ATF6: variants seen among roughly 807,000 people sequenced by gnomAD.
The protein encoded by ATF6 is cyclic AMP-dependent transcription factor ATF-6 alpha.
Under a neutral mutation model 83.6 loss-of-function variants are expected in ATF6, and 53 were observed. That is an observed-to-expected ratio of 0.63 (90% CI 0.51 to 0.80). The LOEUF (loss-of-function observed/expected upper bound fraction) is 0.80. Among genes scored for constraint, ATF6 ranks in the 30% least tolerant of loss-of-function variants. The pLI is 0.00. For synonymous variants in ATF6, 288 were observed against 285.8 expected (o/e 1.01, Z -0.08); for missense variants, 744 against 797.9 (o/e 0.93, Z 0.81).
chr1:161,841,078 A>T (rs568535451), intron 9 of ATF6, among the ~76,000 whole-genome samples: 1 of 152,318 alleles, frequency 6.6e-6, no homozygotes, highest in East Asian at 1.9e-4. Context: ...AATTAACAAA[A>T]GGGGACATTT....
At chr1:161,851,964 A>G (rs2101826500) in intron 11 of ATF6, 129 bp downstream of exon 11, 1 of 673,622 alleles carries the variant, frequency 1.5e-6, no homozygotes, top group South Asian at 2.1e-5. Context: ...GGATAACTGT[A>G]GGCATATTAG....
intron 9 of ATF6, among the ~76,000 whole-genome samples, chr1:161,830,849 A>C (rs1686039117): frequency 6.6e-6 from 1 of 152,260 alleles, no homozygotes; most frequent in Admixed American, 6.5e-5. Context: ...AAAACCCTAC[A>C]AGAAAACCTA....
chr1:161,793,547 T>G (rs1293686271), intron 6 of ATF6, among the ~76,000 whole-genome samples: 1 of 152,232 alleles, frequency 6.6e-6, no homozygotes, highest in Non-Finnish European at 1.5e-5. Flanking sequence ...TCCAAAACTT[T>G]CATTAGGATC....
intron 10 of ATF6, among the ~76,000 whole-genome samples, chr1:161,846,913 ATAT>A (rs1303320014): frequency 1.3e-5 from 2 of 151,970 alleles, no homozygotes; most frequent in Non-Finnish European, 2.9e-5. Context: ...AATACATCTA[ATAT>A]TTGTTACTGT....
At chr1:161,941,977 G>A (rs998424906) in intron 15 of ATF6, among the ~76,000 whole-genome samples, 6 of 151,032 alleles carry the variant, frequency 4.0e-5, no homozygotes, top group East Asian at 1.9e-4. Context: ...TTTTTTCGGC[G>A]GGGTGGGGGG....
At position 161,835,561 on chromosome 1, in the gene ATF6, C is replaced by T. The variant is rs772977765; in HGVS notation, c.1188-10888C>T. Among the ~76,000 whole-genome samples the T allele has an allele frequency of 2.6e-5, 4 of 152,204 alleles. No homozygotes were observed. In the East Asian group the frequency reaches 5.8e-4, roughly 22 times the overall value. On this transcript the variant is annotated intron_variant, in intron 9 of 15. Coordinates refer to ENST00000367942, the MANE Select transcript of ATF6 (RefSeq NM_007348.4). Reference sequence around the variant, plus strand: ...TTGTATAGTTTTGTATTTCTTTCTTCCTATACATTAGCCACTATGGAAATT... The same window carrying T: ...TTGTATAGTTTTGTATTTCTTTCTTTCTATACATTAGCCACTATGGAAATT...
At chr1:161,912,176 T>TAAAAAAAAAA in intron 14 of ATF6, 120 bp from the exon 15 acceptor site, 1 of 559,286 alleles carries the variant, frequency 1.8e-6, no homozygotes, top group East Asian at 3.2e-5. Flanking sequence ...CAACTTCAAA[T>TAAAAAAAAAA]AAAAACTATA....
rs568894978 is a variant in ATF6, at chr1:161,962,398, G to A, written c.*3744G>A. On this transcript the variant is annotated 3_prime_UTR_variant, in exon 16 of 16. Transcript: ENST00000367942. Reference sequence around the variant, plus strand: ...AGTCACCGCAGCGAGATGCTGGTGAGACTGCCGTGGTGGCATTTAGCATCG... The same window carrying A: ...AGTCACCGCAGCGAGATGCTGGTGAAACTGCCGTGGTGGCATTTAGCATCG... 8 of 152,294 alleles carry A rather than the reference G, an allele frequency of 5.3e-5. No individual in the cohort carries two copies. The highest frequency in any genetic ancestry group is 1.9e-4 in the African/African-American group (8 of 41,566). The allele number at this position is 152,294 out of a possible 1,614,324, so 9.4% of individuals were successfully genotyped here. A position where few individuals can be genotyped will look rare whatever the true frequency, so the allele number is the denominator to read the frequency against.
intron 15 of ATF6, among the ~76,000 whole-genome samples, chr1:161,917,865 A>G: frequency 6.6e-6 from 1 of 152,296 alleles, no homozygotes; most frequent in South Asian, 2.1e-4. Context: ...TGGATTTCAG[A>G]TTTTTGGATT....
intron 15 of ATF6, among the ~76,000 whole-genome samples, chr1:161,928,077 A>G (rs996703608): frequency 1.3e-5 from 2 of 152,142 alleles, no homozygotes. Flanking sequence ...ATATAATTGC[A>G]TTTGGTCCTC....
intron 14 of ATF6, among the ~76,000 whole-genome samples, chr1:161,881,176 A>G (rs1187633628): frequency 6.6e-6 from 1 of 152,004 alleles, no homozygotes; most frequent in Non-Finnish European, 1.5e-5. Flanking sequence ...ACACACATTT[A>G]TTATCTCACA....
At chr1:161,901,899 C>T (rs1687794143) in intron 14 of ATF6, among the ~76,000 whole-genome samples, 1 of 152,084 alleles carries the variant, frequency 6.6e-6, no homozygotes, top group Non-Finnish European at 1.5e-5. Context: ...TCATTCACTG[C>T]TCATTTGGAA....
rs567046168 is a variant in ATF6 at position 161,787,468 on chromosome 1, G to C, written c.354+3372G>C. On this transcript the variant is annotated intron_variant, in intron 4 of 15. Transcript: ENST00000367942. ...TTGGGCTCTGATGTCCTTACACTAG[G>C]CTGTCTTCCCATGCGGATGCCCTCC... 1.1e-4 allele frequency among the ~76,000 whole-genome samples: 17 copies of C among 152,122 alleles called. No homozygotes were observed. The South Asian group carries it at 3.5e-3, about 32-fold the overall frequency.
At chr1:161,934,948 A>G (rs1014560590) in intron 15 of ATF6, among the ~76,000 whole-genome samples, 1 of 152,190 alleles carries the variant, frequency 6.6e-6, no homozygotes, top group African/African-American at 2.4e-5. Context: ...CCTTGATTCA[A>G]GTGACCTTTC....
At chr1:161,825,801 T>G (rs1685881610) in intron 9 of ATF6, among the ~76,000 whole-genome samples, 1 of 152,138 alleles carries the variant, frequency 6.6e-6, no homozygotes, top group Admixed American at 6.5e-5. Context: ...GTGATTGCAC[T>G]TAAACTCCAG....
chr1:161,794,063 T>G (rs1391045174), intron 6 of ATF6, among the ~76,000 whole-genome samples: 1 of 152,094 alleles, frequency 6.6e-6, no homozygotes, highest in Non-Finnish European at 1.5e-5. Flanking sequence ...CGTGCCACCA[T>G]GCCCAGCTAA....
At chr1:161,895,439 G>A (rs114634118) in intron 14 of ATF6, among the ~76,000 whole-genome samples, 1,651 of 152,198 alleles carry the variant, frequency 0.011, 23 homozygotes, top group Non-Finnish European at 0.017. Flanking sequence ...TTTTATAGAG[G>A]ATAAACATCT....
chr1:161,827,894 G>A (rs1685942921), intron 9 of ATF6, among the ~76,000 whole-genome samples: 1 of 152,058 alleles, frequency 6.6e-6, no homozygotes, highest in African/African-American at 2.4e-5. Flanking sequence ...TCGATATTTT[G>A]TGGATAGTAA....
At chr1:161,893,467 C>T (rs929123288) in intron 14 of ATF6, among the ~76,000 whole-genome samples, 1 of 152,122 alleles carries the variant, frequency 6.6e-6, no homozygotes. Context: ...CGCCCCGCCA[C>T]GGAAACTTTA....
Sources: allele counts gnomAD v4.1 joint callset (sites outside exome capture counted in the v4.1 genomes callset), GRCh38; gene constraint gnomAD v4.1.1; transcripts MANE v1.5; gene names NCBI Gene and HGNC (gene_info 2026-07-23, HGNC 2026-07-21).